DNAH1: variants seen among roughly 807,000 people sequenced by gnomAD.
DNAH1 encodes the protein axonemal beta dynein heavy chain 1.
A neutral mutation model predicts 484.3 loss-of-function variants in DNAH1; 327 were observed. The observed-to-expected ratio is 0.68, with a 90% CI of 0.62 to 0.74. The LOEUF is 0.74. DNAH1 is among the 30% of genes least tolerant of loss of function. The pLI, the probability that DNAH1 is intolerant of heterozygous loss-of-function variation, is 0.00. For missense variants in DNAH1, 5,052 were observed against 5,546.8 expected, an observed-to-expected ratio of 0.91 and a Z score of 2.83; for synonymous variants, 2,192 against 2,191.9, an observed-to-expected ratio of 1.00 and a Z score of 0.00.
In DNAH1 at chr3:52,395,944, T is replaced by C. The variant is rs1578206051; in HGVS notation, c.11259+266T>C. Among the ~76,000 whole-genome samples the C allele has an allele frequency of 6.7e-6, 1 of 150,314 alleles. No homozygotes were observed. Among genetic ancestry groups the C allele is most frequent in the South Asian group, 2.1e-4 (1 of 4,690 alleles). On this transcript the variant is annotated intron_variant, in intron 70 of 77. Transcript: ENST00000420323. This position sits in a 1 kb window ranked among gnomAD's most constrained non-coding sequence, Gnocchi z 4.4. ...CCTGGGACTTGCCAAAGCCCTTTTT[T>C]TTTTTTTTTTTTCAGACGGAGTCTC...
chr3:52,322,712 G>T lies in DNAH1; in HGVS notation c.270G>T (p.Pro90=), dbSNP rs758289927. ...TGACAGGCACTGATAAGAAGTACCCGCTGATGAAGCAGCGTGGGTTCTACT... is the reference window on the plus strand; with the variant it reads ...TGACAGGCACTGATAAGAAGTACCCTCTGATGAAGCAGCGTGGGTTCTACT... ...SPLTGTDKKY[P]LMKQRGFYSD... is the part of the protein sequence containing the mutation. Residue 90 remains proline (P), a synonymous_variant, in exon 2 of 78, where the codon CCG becomes CCT. Transcript: ENST00000420323. 4.3e-6 allele frequency: 7 copies of T among 1,613,396 alleles called. No homozygotes were observed. The highest frequency in any genetic ancestry group is 5.9e-6 in the Non-Finnish European group (7 of 1,179,702).
chr3:52,381,273 ATTTTTAT>A lies in DNAH1; in HGVS notation c.7609-354_7609-348del, dbSNP rs1703833149. Among the ~76,000 whole-genome samples the A allele has an allele frequency of 6.6e-6, 1 of 151,750 alleles. No individual in the cohort carries two copies. Among genetic ancestry groups the A allele is most frequent in the Non-Finnish European group, 1.5e-5 (1 of 67,946 alleles). ...GCACCACCACGCCCAGCTAATTTTT[ATTTTTAT>A]TTTTTATTTTTTGGTAGAGGCAGAG... On this transcript the variant is annotated intron_variant, in intron 48 of 77. Transcript: ENST00000420323. The surrounding 1 kb of genome is among the most constrained non-coding windows in gnomAD (Gnocchi z 4.1).
chr3:52,384,089 G>A (rs766848776), intron 52 of DNAH1, 58 bp downstream of exon 52: 13 of 1,466,460 alleles, frequency 8.9e-6, no homozygotes, highest in Admixed American at 2.4e-5. Context: ...TGGGGCATGG[G>A]CTCAGGGTCA....
chr3:52,321,268 C>T (rs1445399249), intron 1 of DNAH1, among the ~76,000 whole-genome samples: 3 of 152,086 alleles, frequency 2.0e-5, no homozygotes, highest in Admixed American at 1.3e-4. Context: ...AGGCATGTGC[C>T]ACCACACCTG....
At chr3:52,378,869 C>T in intron 47 of DNAH1, 89 bp downstream of exon 47, 1 of 1,541,530 alleles carries the variant, frequency 6.5e-7, no homozygotes, top group Non-Finnish European at 8.9e-7. Flanking sequence ...CCTGCCCAAA[C>T]AGGCCCTGAG....
intron 16 of DNAH1, 73 bp from the exon 17 acceptor site, chr3:52,351,889 C>T: frequency 6.5e-7 from 1 of 1,531,828 alleles, no homozygotes; most frequent in South Asian, 1.2e-5. Context: ...TGGTGGGATG[C>T]CCCTGCCTGG....
chr3:52,399,181 A>G lies in DNAH1; in HGVS notation c.12421A>G (p.Thr4141Ala). 6.2e-7 allele frequency: 1 copy of G among 1,610,786 alleles called. No individual in the cohort carries two copies. Among genetic ancestry groups the G allele is most frequent in the Non-Finnish European group, 8.5e-7 (1 of 1,177,828 alleles). ...FARKFVISID[T>A]ISFDFKVMFE... ...CCGCAAATTTGTCATCTCCATTGACACCATCTCCTTTGATTTCAAGGTCTG... is the reference window on the plus strand; with the variant it reads ...CCGCAAATTTGTCATCTCCATTGACGCCATCTCCTTTGATTTCAAGGTCTG... The change falls in exon 76 of 78, where the codon ACC becomes GCC. Residue 4141 changes from threonine to alanine, a missense_variant. Transcript: ENST00000420323.
chr3:52,378,434 C>T (rs956955550), intron 46 of DNAH1, among the ~76,000 whole-genome samples, 168 bp from the exon 47 acceptor site: 7 of 148,552 alleles, frequency 4.7e-5, no homozygotes, highest in Non-Finnish European at 1.0e-4. Flanking sequence ...CTCCCCCAAG[C>T]TGGGGGCATC....
At position 52,361,605 on chromosome 3, in the gene DNAH1, T is replaced by G; in HGVS notation, c.4875-56T>G. 6.6e-7 allele frequency: 1 copy of G among 1,511,702 alleles called. No homozygotes were observed. Among genetic ancestry groups the G allele is most frequent in the Non-Finnish European group, 9.0e-7 (1 of 1,112,560 alleles). 93.6% of individuals were successfully genotyped at this position (1,511,702 alleles called of 1,614,324 possible). The stretch of plus-strand genomic sequence containing the variant: ...GTTGGAGGGGGCCCTCAGAGGGAGG[T>G]GCCCAGATTGGGCTCTGAACACATG... On this transcript the variant is annotated intron_variant, in intron 29 of 77. Transcript: ENST00000420323. The surrounding 1 kb of genome is among the most constrained non-coding windows in gnomAD (Gnocchi z 5.6).
At chr3:52,373,811 G>A (rs1703463571) in intron 44 of DNAH1, 1 of 1,424,242 alleles carries the variant, frequency 7.0e-7, no homozygotes, top group South Asian at 1.2e-5. Context: ...CCCATAATTG[G>A]AATGTGATCA....
In DNAH1 at chr3:52,396,678, C is replaced by T. The variant is rs1217398909; in HGVS notation, c.11491C>T (p.Arg3831Cys). The change falls in exon 72 of 78, where the codon CGC (arginine) becomes TGC (cysteine). Residue 3831 changes from arginine (R) to cysteine (C), a missense_variant. Physicochemically the swap from Arg to Cys is radical, Grantham distance 180. This residue lies in a region of DNAH1 where 853 missense variants were observed against 899.0 expected (regional missense o/e 0.95). Coordinates refer to ENST00000420323, the MANE Select transcript of DNAH1 (RefSeq NM_015512.5). ...CTTGTTCCATGGGAACGCCCTGGAG[C>T]GCCGTAAGTTTGGGCCCCTGGGCTT... ...LCLFHGNALE[R>C]RKFGPLGFNI... 7 of 1,613,710 alleles carry T rather than the reference C, an allele frequency of 4.3e-6. No individual in the cohort carries two copies. The highest frequency in any genetic ancestry group is 3.3e-5 in the Admixed American group (2 of 60,016).
chr3:52,332,409 G>A lies in DNAH1; in HGVS notation c.1286+15G>A, dbSNP rs771331197. 3.5e-5 allele frequency: 56 copies of A among 1,608,874 alleles called. No individual in the cohort carries two copies. Among genetic ancestry groups the A allele is most frequent in the Non-Finnish European group, 3.9e-5 (46 of 1,178,578 alleles). ...AAAGGCCCCTCGTGAGTCCCCGCTC[G>A]GCCTTCCCTATTCTGGGCATCACCT... On this transcript the variant is annotated intron_variant, in intron 8 of 77. Transcript: ENST00000420323.
Position 52,381,774 on chromosome 3 carries a change from T to G in DNAH1, c.7743T>G (p.Asn2581Lys), listed in dbSNP as rs1703857114. 6.2e-7 allele frequency: 1 copy of G among 1,606,172 alleles called. No individual in the cohort carries two copies. Among genetic ancestry groups the G allele is most frequent in the Non-Finnish European group, 8.5e-7 (1 of 1,177,224 alleles). Residue 2581 changes from asparagine to lysine, a missense_variant, in exon 49 of 78, where the codon AAT becomes AAG. Physicochemically the swap from Asn to Lys is moderately conservative, Grantham distance 94 (BLOSUM62 0). Coordinates refer to ENST00000420323, the MANE Select transcript of DNAH1 (RefSeq NM_015512.5). This position sits in a 1 kb window ranked among gnomAD's most constrained non-coding sequence, Gnocchi z 4.1. ...GCACCCTACGCCAGGCGCTGGGCAA[T>G]GCACTCCTGCTGGGCGTGGGTGGCA... ...ISRTLRQALG[N>K]ALLLGVGGSG...
At position 52,361,648 on chromosome 3, in the gene DNAH1, C is replaced by T. The variant is rs777602885; in HGVS notation, c.4875-13C>T. ...AACACATGTGCCCCATCCAATGTTC[C>T]GGCCTCACTCAGTGCTGGGGCCTGG... On this transcript the variant is annotated splice_polypyrimidine_tract_variant and intron_variant, in intron 29 of 77. Transcript: ENST00000420323. This position sits in a 1 kb window ranked among gnomAD's most constrained non-coding sequence, Gnocchi z 5.6. The T allele has an allele frequency of 1.6e-5, 26 of 1,590,414 alleles. No individual in the cohort carries two copies. Among genetic ancestry groups the T allele is most frequent in the African/African-American group, 4.0e-5 (3 of 74,474 alleles).
chr3:52,384,936 C>T lies in DNAH1; in HGVS notation c.8473C>T (p.Leu2825=). 6.2e-7 allele frequency: 1 copy of T among 1,613,636 alleles called. No homozygotes were observed. The highest frequency in any genetic ancestry group is 8.5e-7 in the Non-Finnish European group (1 of 1,179,768). Residue 2825 remains leucine, a synonymous_variant, in exon 53 of 78, where the codon CTG becomes TTG. Coordinates refer to ENST00000420323, the MANE Select transcript of DNAH1 (RefSeq NM_015512.5). ...SILIGQKKLE[L]KTAKNRMKSG... is the part of the protein sequence containing the mutation. ...CCTCATCGGGCAGAAGAAACTGGAGCTGAAAACTGCCAAGAACCGCATGAA... is the reference window on the plus strand; with the variant it reads ...CCTCATCGGGCAGAAGAAACTGGAGTTGAAAACTGCCAAGAACCGCATGAA...
rs566244777 is a variant in DNAH1, at chr3:52,337,108, G to T, written c.1286+4714G>T. Reference sequence around the variant, plus strand: ...TTTGTGTCATCTCTGATTTCTTTTAGCAGTGTTTTGTAGTTCTTCTAGAGA... The same window carrying T: ...TTTGTGTCATCTCTGATTTCTTTTATCAGTGTTTTGTAGTTCTTCTAGAGA... On this transcript the variant is annotated intron_variant, in intron 8 of 77. Coordinates refer to ENST00000420323, the MANE Select transcript of DNAH1 (RefSeq NM_015512.5). Among the ~76,000 whole-genome samples, 16 of 152,234 alleles carry T rather than the reference G, an allele frequency of 1.1e-4. No homozygotes were observed. The South Asian group carries it at 1.2e-3, about 12-fold the overall frequency.
chr3:52,317,128 T>G (rs1031906495), intron 1 of DNAH1, among the ~76,000 whole-genome samples: 1 of 152,232 alleles, frequency 6.6e-6, no homozygotes, highest in Non-Finnish European at 1.5e-5. Context: ...GAAAGGAAAT[T>G]GTAGCGGACA....
chr3:52,349,976 C>G lies in DNAH1; in HGVS notation c.2527-13C>G, dbSNP rs1257739327. 16 of 1,600,692 alleles carry G rather than the reference C, an allele frequency of 1.0e-5. No individual in the cohort carries two copies. The highest frequency in any genetic ancestry group is 1.2e-5 in the Non-Finnish European group (14 of 1,174,080). ...AGCATGCTGCCCTCCCCAGCGCCTC[C>G]TCCCACTGCCAGATCTGCGAGGAGT... On this transcript the variant is annotated splice_polypyrimidine_tract_variant and intron_variant, in intron 14 of 77. Coordinates refer to ENST00000420323, the MANE Select transcript of DNAH1 (RefSeq NM_015512.5).
At position 52,375,254 on chromosome 3, in the gene DNAH1, C is replaced by A. The variant is rs781069826; in HGVS notation, c.7000C>A (p.Leu2334Ile). ...DRKIIGAFKN[L>I]VDINFVCAMG... ...CCCTACTCCAGGTGCCTTCAAGAAC[C>A]TAGTGGACATCAACTTTGTCTGTGC... Residue 2334 changes from leucine (L) to isoleucine (I), a missense_variant, in exon 45 of 78, where the codon CTA becomes ATA. Leu to Ile is a conservative substitution (Grantham distance 5, BLOSUM62 2). Coordinates refer to ENST00000420323, the MANE Select transcript of DNAH1 (RefSeq NM_015512.5). 4 of 1,608,012 alleles carry A rather than the reference C, an allele frequency of 2.5e-6. No individual in the cohort carries two copies. In the Admixed American group the frequency reaches 6.7e-5, roughly 27 times the overall value.
Sources: gnomAD v4.1 joint callset for allele counts (sites outside exome capture counted in the v4.1 genomes callset) on GRCh38, gnomAD v4.1.1 for gene constraint, gnomAD v4.1.1 regional missense constraint, Gnocchi (gnomAD v3.1) non-coding constraint, MANE v1.5 for transcripts, NCBI Gene and HGNC (gene_info 2026-07-23, HGNC 2026-07-21) for gene names.